The following CDH13 variants were observed in gnomAD, a reference collection of about 807,000 sequenced individuals.
CDH13 encodes cadherin 13, also known as cadherin-13.
In CDH13, 24 loss-of-function variants were observed where a neutral mutation model predicts 63.8. The observed-to-expected ratio is 0.38, with a 90% CI of 0.27 to 0.53. The LOEUF is 0.53. Among genes scored for constraint, CDH13 ranks in the 20% least tolerant of loss-of-function variants. The probability of loss-of-function intolerance (pLI) is 0.85; values close to 1 mark genes in which losing one functional copy is unlikely to be tolerated. For missense variants in CDH13, 1,049 were observed against 903.1 expected (o/e 1.16, Z -2.07); for synonymous variants, 503 against 355.3 (o/e 1.42, Z -4.67).
At chr16:83,618,053 C>T (rs941144461) in intron 8 of CDH13, among the ~76,000 whole-genome samples, 19 of 152,138 alleles carry the variant, frequency 1.2e-4, no homozygotes, top group African/African-American at 4.3e-4. Flanking sequence ...AGTGCATGAT[C>T]AAATAACTGA....
intron 7 of CDH13, among the ~76,000 whole-genome samples, chr16:83,492,178 T>C (rs1598145967): frequency 6.8e-6 from 1 of 147,206 alleles, no homozygotes; most frequent in Non-Finnish European, 1.5e-5. Context: ...AATGATGATA[T>C]CAAATCAAGC....
chr16:82,681,599 C>A (rs931588379), intron 1 of CDH13, among the ~76,000 whole-genome samples: 1 of 152,244 alleles, frequency 6.6e-6, no homozygotes, highest in Non-Finnish European at 1.5e-5. Flanking sequence ...ACGTATCTGA[C>A]ACTTTCTTGC....
Position 83,762,532 on chromosome 16 carries a change from C to G in CDH13, c.1681+14282C>G, listed in dbSNP as rs552029645. ...CCAAATCCCAGTGTCAATACCACTC[C>G]TGCCTACAGGTAATCACCAGAAAGG... On this transcript the variant is annotated intron_variant, in intron 11 of 13. Coordinates refer to ENST00000567109, the MANE Select transcript of CDH13 (RefSeq NM_001257.5). Among the ~76,000 whole-genome samples the G allele has an allele frequency of 2.6e-5, 4 of 152,342 alleles. No individual in the cohort carries two copies. The South Asian group carries it at 8.3e-4, about 32-fold the overall frequency.
In CDH13 at chr16:83,033,232, A is replaced by G. The variant is rs375609803; in HGVS notation, c.366+1014A>G. 4.3e-4 allele frequency among the ~76,000 whole-genome samples: 66 copies of G among 152,160 alleles called. No individual in the cohort carries two copies. The South Asian group carries it at 0.013, about 30-fold the overall frequency. ...CTCCTGTTGTTTTGTTTTGTTTCCC[A>G]TTGACCTTCAGTGACTTCAGTATAT... On this transcript the variant is annotated intron_variant, in intron 3 of 13. Transcript: ENST00000567109.
At chr16:83,386,861 A>G (rs1436168135) in intron 6 of CDH13, among the ~76,000 whole-genome samples, 2 of 152,182 alleles carry the variant, frequency 1.3e-5, no homozygotes, top group African/African-American at 4.8e-5. Flanking sequence ...TGCTCTAGTC[A>G]TCACTTCTGT....
intron 6 of CDH13, among the ~76,000 whole-genome samples, chr16:83,361,927 A>T (rs758984507): frequency 1.6e-4 from 25 of 152,130 alleles, no homozygotes; most frequent in Non-Finnish European, 2.9e-4. Context: ...TTGGTTGTAT[A>T]TGAATTTTAA....
intron 3 of CDH13, among the ~76,000 whole-genome samples, chr16:83,062,476 CATAA>C (rs531090958): frequency 1.7e-3 from 259 of 152,302 alleles, no homozygotes; most frequent in African/African-American, 6.0e-3. Flanking sequence ...GCAGTTACAT[CATAA>C]ATAGTCAATG....
At chr16:82,921,660 C>A (rs2216735) in intron 2 of CDH13, among the ~76,000 whole-genome samples, 3 of 151,728 alleles carry the variant, frequency 2.0e-5, no homozygotes, top group Non-Finnish European at 1.5e-5. Flanking sequence ...AATATGTTGT[C>A]GAGGATTTTG....
At chr16:83,782,394 C>T (rs144841681) in intron 12 of CDH13, among the ~76,000 whole-genome samples, 29 of 152,062 alleles carry the variant, frequency 1.9e-4, no homozygotes, top group East Asian at 1.2e-3. Context: ...CTCTATGTTG[C>T]GGGTTCCCAC....
At chr16:82,971,884 C>A (rs1597330006) in intron 2 of CDH13, among the ~76,000 whole-genome samples, 1 of 152,154 alleles carries the variant, frequency 6.6e-6, no homozygotes, top group African/African-American at 2.4e-5. Context: ...TTCTGCATGG[C>A]CTGTACCCTT....
chr16:83,226,910 T>C (rs2039857308), intron 5 of CDH13, among the ~76,000 whole-genome samples: 1 of 152,140 alleles, frequency 6.6e-6, no homozygotes, highest in Non-Finnish European at 1.5e-5. Context: ...CCTTCAGCTA[T>C]CAGCATAAAG....
intron 2 of CDH13, among the ~76,000 whole-genome samples, chr16:82,938,560 C>G (rs982312248): frequency 9.2e-5 from 14 of 152,276 alleles, no homozygotes; most frequent in Non-Finnish European, 1.5e-4. Context: ...TGAGAGGCCA[C>G]CGTTGTCCAG....
At chr16:83,266,916 C>G (rs561695260) in intron 5 of CDH13, among the ~76,000 whole-genome samples, 24 of 152,332 alleles carry the variant, frequency 1.6e-4, no homozygotes, top group African/African-American at 4.8e-4. Context: ...ACCTCTACCT[C>G]TCAGCTGAGC....
chr16:82,685,831 A>C (rs1567625967), intron 1 of CDH13, among the ~76,000 whole-genome samples: 1 of 152,222 alleles, frequency 6.6e-6, no homozygotes, highest in South Asian at 2.1e-4. Flanking sequence ...ATGCCACTTC[A>C]GAGGTCTTAA....
At chr16:82,790,146 C>G (rs1453428267) in intron 1 of CDH13, among the ~76,000 whole-genome samples, 1 of 152,120 alleles carries the variant, frequency 6.6e-6, no homozygotes, top group Non-Finnish European at 1.5e-5. Context: ...TACAAAATTT[C>G]TAATTATAGG....
intron 3 of CDH13, among the ~76,000 whole-genome samples, chr16:83,071,543 C>T (rs1295686026): frequency 6.6e-6 from 1 of 152,148 alleles, no homozygotes; most frequent in East Asian, 1.9e-4. Flanking sequence ...TTAATAGACA[C>T]CTGTCAGTGA....
intron 6 of CDH13, among the ~76,000 whole-genome samples, chr16:83,436,792 G>C (rs781506338): frequency 2.6e-5 from 4 of 152,242 alleles, no homozygotes; most frequent in Non-Finnish European, 5.9e-5. Flanking sequence ...AAGGTCTGCT[G>C]TGAATGTATG....
chr16:82,704,026 T>C (rs1430904847), intron 1 of CDH13, among the ~76,000 whole-genome samples: 1 of 152,110 alleles, frequency 6.6e-6, no homozygotes, highest in Admixed American at 6.5e-5. Context: ...CAGCCCCTCC[T>C]TTGCAACAGT....
intron 5 of CDH13, among the ~76,000 whole-genome samples, chr16:83,341,637 C>A (rs1159739448): frequency 2.0e-5 from 3 of 152,134 alleles, no homozygotes. Context: ...TCATCTCTGC[C>A]TTCCCAGGGA....
Sources: allele counts gnomAD v4.1 joint callset (sites outside exome capture counted in the v4.1 genomes callset), GRCh38; gene constraint gnomAD v4.1.1; transcripts MANE v1.5; gene names NCBI Gene and HGNC (gene_info 2026-07-23, HGNC 2026-07-21).